LRRTM1: variants seen among roughly 807,000 people sequenced by gnomAD.
The protein encoded by LRRTM1 is leucine rich repeat transmembrane neuronal 1, also known as leucine-rich repeat transmembrane neuronal protein 1.
LRRTM1 carries 8 observed loss-of-function variants against 37.3 expected under a neutral mutation model. The observed-to-expected ratio is 0.21, with a 90% confidence interval of 0.13 to 0.39. The LOEUF (loss-of-function observed/expected upper bound fraction) is 0.39, where lower values mean the gene tolerates loss of function less well. Ranked by LOEUF, LRRTM1 falls within the 10% of genes least tolerant of loss-of-function variation. The pLI is 1.00. For synonymous variants in LRRTM1, 326 were observed against 316.8 expected, an observed-to-expected ratio of 1.03 and a Z score of -0.31; for missense variants, 557 against 691.0, an observed-to-expected ratio of 0.81 and a Z score of 2.17.
chr2:80,288,946 T>G (rs1159120691), exon 3 of LRRTM1: 2 of 152,190 alleles, frequency 1.3e-5, no homozygotes, highest in African/African-American at 2.4e-5. Context: ...CCAAGAACAC[T>G]GTTTCTCATG....
chr2:80,303,364 G>A lies in LRRTM1; in HGVS notation c.456C>T (p.Leu152=). The A allele has an allele frequency of 1.2e-6, 2 of 1,614,110 alleles. No homozygotes were observed. Among genetic ancestry groups the A allele is most frequent in the South Asian group, 2.2e-5 (2 of 91,074 alleles). The change falls in exon 2 of 2, where the codon CTC becomes CTT. Residue 152 remains leucine, a synonymous_variant. Transcript: ENST00000295057. The surrounding 1 kb of genome is among the most constrained non-coding windows in gnomAD (Gnocchi z 7.7). ...VDLSYNKLQA[L]APDLFHGLRK... The stretch of plus-strand genomic sequence containing the variant: ...GCAGCCCGTGGAAGAGGTCGGGCGC[G>A]AGCGCCTGCAGCTTGTTGTACGAGA...
In LRRTM1 at chr2:80,302,638, G is replaced by T. The variant is rs1361198566; in HGVS notation, c.1182C>A (p.Leu394=). The T allele has an allele frequency of 6.2e-7, 1 of 1,607,496 alleles. No homozygotes were observed. Among genetic ancestry groups the T allele is most frequent in the Non-Finnish European group, 8.5e-7 (1 of 1,178,418 alleles). ...LGPPASSATT[L]ADGGEGQHDG... is the part of the protein sequence containing the mutation. ...CGTGCTGCCCCTCCCCGCCGTCCGC[G>T]AGCGTGGTGGCCGAGCTGGCAGGGG... The change falls in exon 2 of 2, where the codon CTC becomes CTA. Residue 394 remains leucine, a synonymous_variant. Coordinates refer to ENST00000295057, the MANE Select transcript of LRRTM1 (RefSeq NM_178839.5). This position sits in a 1 kb window ranked among gnomAD's most constrained non-coding sequence, Gnocchi z 6.4.
In LRRTM1 at chr2:80,302,260, G is replaced by A. The variant is rs1382585350; in HGVS notation, c.1560C>T (p.Cys520=). The change falls in exon 2 of 2, where the codon TGC becomes TGT. Residue 520 remains cysteine (C), a synonymous_variant. Coordinates refer to ENST00000295057, the MANE Select transcript of LRRTM1 (RefSeq NM_178839.5). The surrounding 1 kb of genome is among the most constrained non-coding windows in gnomAD (Gnocchi z 6.4). ...CTCHQQPARE[C]EV ...AGAGCCACTGGGACAATCACACCTCGCATTCCCTCGCGGGCTGCTGGTGGC... is the reference window on the plus strand; with the variant it reads ...AGAGCCACTGGGACAATCACACCTCACATTCCCTCGCGGGCTGCTGGTGGC... 6.2e-7 allele frequency: 1 copy of A among 1,612,688 alleles called. No homozygotes were observed. The highest frequency in any genetic ancestry group is 2.2e-5 in the East Asian group (1 of 44,884).
downstream of LRRTM1, among the ~76,000 whole-genome samples, chr2:80,297,218 C>A (rs1294818553): frequency 6.6e-6 from 1 of 152,172 alleles, no homozygotes; most frequent in Non-Finnish European, 1.5e-5. Context: ...CAGTCTAGTT[C>A]TAGGCTCTTT....
rs368510654 is a variant in LRRTM1 at position 80,302,817 on chromosome 2, G to A, written c.1003C>T (p.Arg335Cys). ...LASWLNNFQG[R>C]YDGNLQCASP... ...GCGCACTGCAAGTTGCCATCGTAGC[G>A]CCCCTGGAAGTTGTTGAGCCACGAG... Residue 335 changes from arginine to cysteine, a missense_variant, in exon 2 of 2, where the codon CGC becomes TGC. Arg to Cys is a radical substitution (Grantham distance 180). Around this residue, in one of 5 missense-constraint regions of LRRTM1, gnomAD observed 200 missense variants for 249.9 expected, o/e 0.80. Transcript: ENST00000295057. This position sits in a 1 kb window ranked among gnomAD's most constrained non-coding sequence, Gnocchi z 6.4. 1.9e-6 allele frequency: 3 copies of A among 1,613,836 alleles called. No homozygotes were observed. The African/African-American group carries it at 4.0e-5, about 22-fold the overall frequency.
At position 80,302,883 on chromosome 2, in the gene LRRTM1, C is replaced by G; in HGVS notation, c.937G>C (p.Gly313Arg). The G allele has an allele frequency of 6.2e-7, 1 of 1,614,128 alleles. No homozygotes were observed. Among genetic ancestry groups the G allele is most frequent in the Non-Finnish European group, 8.5e-7 (1 of 1,180,028 alleles). Residue 313 changes from glycine to arginine, a missense_variant, in exon 2 of 2, where the codon GGG becomes CGG. Physicochemically the swap from Gly to Arg is moderately radical, Grantham distance 125. Around this residue, in one of 5 missense-constraint regions of LRRTM1, gnomAD observed 200 missense variants for 249.9 expected, o/e 0.80. Transcript: ENST00000295057. This position sits in a 1 kb window ranked among gnomAD's most constrained non-coding sequence, Gnocchi z 6.4. ...WKSLTSITLA[G>R]NLWDCGRNVC... ...TTGCGCCCGCAATCCCACAGGTTCC[C>G]GGCCAGGGTGATGCTTGTCAGGGAC...
In LRRTM1 at chr2:80,302,575, G is replaced by A. The variant is rs1285208975; in HGVS notation, c.1245C>T (p.Gly415=). 2 of 1,607,150 alleles carry A rather than the reference G, an allele frequency of 1.2e-6. No individual in the cohort carries two copies. Among genetic ancestry groups the A allele is most frequent in the East Asian group, 2.2e-5 (1 of 44,838 alleles). ...TFEPATVALP[G]GEHAENAVQI... ...GCACGGCGTTCTCGGCGTGCTCGCC[G>A]CCTGGAAGAGCCACGGTGGCAGGCT... The change falls in exon 2 of 2, where the codon GGC becomes GGT. Residue 415 remains glycine, a synonymous_variant. Transcript: ENST00000295057. The surrounding 1 kb of genome is among the most constrained non-coding windows in gnomAD (Gnocchi z 6.4).
At chr2:80,297,291 G>C (rs1322125322), downstream of LRRTM1, among the ~76,000 whole-genome samples, 1 of 152,156 alleles carries the variant, frequency 6.6e-6, no homozygotes, top group Non-Finnish European at 1.5e-5. Context: ...TAGTGAAAAG[G>C]CCACCAAGTC....
At chr2:80,291,885 C>G (rs979924164) in intron 2 of LRRTM1, among the ~76,000 whole-genome samples, 2 of 152,154 alleles carry the variant, frequency 1.3e-5, no homozygotes, top group Non-Finnish European at 2.9e-5. Flanking sequence ...GTGGTAAAGG[C>G]AAGCCACTAA....
Position 80,302,082 on chromosome 2 carries a change from T to A in LRRTM1, c.*169A>T, listed in dbSNP as rs1016844278. 4 of 905,254 alleles carry A rather than the reference T, an allele frequency of 4.4e-6. No homozygotes were observed. The African/African-American group carries it at 6.7e-5, about 15-fold the overall frequency. 56.1% of individuals were successfully genotyped at this position (905,254 alleles called of 1,614,324 possible). ...TTGTGTTTTAATTCGCTTTTGTTTT[T>A]AAGACACAATAAAGCTAAAATGTCA... is the stretch of plus-strand genomic sequence containing the variant. On this transcript the variant is annotated 3_prime_UTR_variant, in exon 2 of 2. Transcript: ENST00000295057. The surrounding 1 kb of genome is among the most constrained non-coding windows in gnomAD (Gnocchi z 6.4).
At chr2:80,290,344 C>A (rs1675128140) in intron 2 of LRRTM1, among the ~76,000 whole-genome samples, 1 of 152,044 alleles carries the variant, frequency 6.6e-6, no homozygotes, top group African/African-American at 2.4e-5. Flanking sequence ...AGTCTCAGTC[C>A]TGGTTTTGAA....
chr2:80,303,701 G>C lies in LRRTM1; in HGVS notation c.119C>G (p.Pro40Arg). 8.1e-6 allele frequency: 13 copies of C among 1,609,862 alleles called. No individual in the cohort carries two copies. The highest frequency in any genetic ancestry group is 1.1e-5 in the Non-Finnish European group (13 of 1,177,824). The change falls in exon 2 of 2, where the codon CCG (proline) becomes CGG (arginine). Residue 40 changes from proline to arginine, a missense_variant. By Grantham distance (103) the Pro-to-Arg change is moderately radical. Around this residue, in one of 5 missense-constraint regions of LRRTM1, gnomAD observed 140 missense variants for 138.1 expected, o/e 1.01. Transcript: ENST00000295057. The surrounding 1 kb of genome is among the most constrained non-coding windows in gnomAD (Gnocchi z 7.7). ...CCGCCCCTCGCACCGGCACAGCTGC[G>C]GGCACCCGCTGGGGGCGGCGGGCAG... The part of the protein sequence containing the change: ...QMLPAAPSGC[P>R]QLCRCEGRLL...
chr2:80,302,778 C>T lies in LRRTM1; in HGVS notation c.1042G>A (p.Ala348Thr), dbSNP rs1333490759. 3 of 1,613,320 alleles carry T rather than the reference C, an allele frequency of 1.9e-6. No homozygotes were observed. Among genetic ancestry groups the T allele is most frequent in the Middle Eastern group, 1.6e-4 (1 of 6,062 alleles). Residue 348 changes from alanine (A) to threonine (T), a missense_variant, in exon 2 of 2, where the codon GCA becomes ACA. By Grantham distance (58) the Ala-to-Thr change is moderately conservative. Transcript: ENST00000295057. The surrounding 1 kb of genome is among the most constrained non-coding windows in gnomAD (Gnocchi z 6.4). Reference protein sequence around the residue: ...GNLQCASPEYAQGEDVLDAVY... With the variant: ...GNLQCASPEYTQGEDVLDAVY... ...GCGTCCAGGACGTCCTCGCCCTGTG[C>T]GTACTCCGGGCTGGCGCACTGCAAG...
At chr2:80,291,544 A>C (rs771488011) in intron 2 of LRRTM1, among the ~76,000 whole-genome samples, 2 of 152,252 alleles carry the variant, frequency 1.3e-5, no homozygotes, top group African/African-American at 2.4e-5. Flanking sequence ...CTGTGATTAC[A>C]CAAAGAAAAA....
In LRRTM1 at chr2:80,303,133, G is replaced by A. The variant is rs1676523936; in HGVS notation, c.687C>T (p.Phe229=). The change falls in exon 2 of 2, where the codon TTC becomes TTT. Residue 229 remains phenylalanine (F), a synonymous_variant. Transcript: ENST00000295057. This position sits in a 1 kb window ranked among gnomAD's most constrained non-coding sequence, Gnocchi z 7.7. ...GCGAGTGCAGGGAGATGAGGCGCGG[G>A]AAGTGGGCGAAGTTCACCTTGACCA... The part of the protein sequence containing the change: ...NDLVKVNFAH[F]PRLISLHSLC... 1 of 1,614,126 alleles carries A rather than the reference G, an allele frequency of 6.2e-7. No individual in the cohort carries two copies. Among genetic ancestry groups the A allele is most frequent in the Non-Finnish European group, 8.5e-7 (1 of 1,180,034 alleles).
chr2:80,302,339 G>C lies in LRRTM1; in HGVS notation c.1481C>G (p.Pro494Arg). ...SAQEYYVDYKPNHIEGALVII... is the reference protein window; with the variant it reads ...SAQEYYVDYKRNHIEGALVII... Reference sequence around the variant, plus strand: ...CACCAGGGCTCCCTCAATGTGGTTCGGTTTGTAATCAACGTAGTATTCCTG... The same window carrying C: ...CACCAGGGCTCCCTCAATGTGGTTCCGTTTGTAATCAACGTAGTATTCCTG... Residue 494 changes from proline (P) to arginine (R), a missense_variant, in exon 2 of 2, where the codon CCG (proline) becomes CGG (arginine). This residue lies in a region of LRRTM1 where 90 missense variants were observed against 149.4 expected (regional missense o/e 0.60). Coordinates refer to ENST00000295057, the MANE Select transcript of LRRTM1 (RefSeq NM_178839.5). This position sits in a 1 kb window ranked among gnomAD's most constrained non-coding sequence, Gnocchi z 6.4. 1 of 1,614,202 alleles carries C rather than the reference G, an allele frequency of 6.2e-7. No homozygotes were observed. Among genetic ancestry groups the C allele is most frequent in the South Asian group, 1.1e-5 (1 of 91,082 alleles).
At chr2:80,300,926 G>A (rs1386488665), downstream of LRRTM1, among the ~76,000 whole-genome samples, 1 of 150,950 alleles carries the variant, frequency 6.6e-6, no homozygotes, top group African/African-American at 2.4e-5. Context: ...GGGTGAGAAG[G>A]AGCAATCATC....
chr2:80,303,954 G>T lies in LRRTM1; in HGVS notation c.-59-76C>A, dbSNP rs1358725739. On this transcript the variant is annotated intron_variant, in intron 1 of 1. Transcript: ENST00000295057. The surrounding 1 kb of genome is among the most constrained non-coding windows in gnomAD (Gnocchi z 7.7). Reference sequence around the variant, plus strand: ...GGGCAAAAAATCAAATAAATACATAGAAATAAAGAAGGACCCCCCTCCCCA... The same window carrying T: ...GGGCAAAAAATCAAATAAATACATATAAATAAAGAAGGACCCCCCTCCCCA... 11 of 1,072,838 alleles carry T rather than the reference G, an allele frequency of 1.0e-5. No homozygotes were observed. Among genetic ancestry groups the T allele is most frequent in the Non-Finnish European group, 1.3e-5 (10 of 787,190 alleles). The allele number at this position is 1,072,838 out of a possible 1,614,324, so 66.5% of individuals were successfully genotyped here. A position where few individuals can be genotyped will look rare whatever the true frequency, so the allele number is the denominator to read the frequency against.
chr2:80,297,637 C>CA (rs1573628187), downstream of LRRTM1, among the ~76,000 whole-genome samples: 2 of 151,886 alleles, frequency 1.3e-5, no homozygotes, highest in African/African-American at 2.4e-5. Flanking sequence ...CCCAGAAAAA[C>CA]AAAAAAATCA....
Sources: gnomAD v4.1 joint callset for allele counts (sites outside exome capture counted in the v4.1 genomes callset) on GRCh38, gnomAD v4.1.1 for gene constraint, gnomAD v4.1.1 regional missense constraint, Gnocchi (gnomAD v3.1) non-coding constraint, MANE v1.5 for transcripts, NCBI Gene and HGNC (gene_info 2026-07-23, HGNC 2026-07-21) for gene names.